PTK2: variants seen among roughly 807,000 people sequenced by gnomAD.
The protein encoded by PTK2 is focal adhesion kinase 1.
Under a neutral mutation model 150.1 loss-of-function variants are expected in PTK2, and 45 were observed. That is an observed-to-expected ratio of 0.30 (90% CI 0.24 to 0.38). PTK2 has a LOEUF of 0.38. PTK2 is among the 10% of genes least tolerant of loss of function. The pLI, the probability that PTK2 is intolerant of heterozygous loss-of-function variation, is 1.00. For missense variants in PTK2, 919 were observed against 1,307.3 expected (o/e 0.70, Z 4.58); for synonymous variants, 432 against 449.2 (o/e 0.96, Z 0.48).
intron 11 of PTK2, among the ~76,000 whole-genome samples, chr8:140,802,372 T>C (rs536644842): frequency 1.3e-5 from 2 of 152,184 alleles, no homozygotes; most frequent in East Asian, 1.9e-4. Context: ...AGAATAAGTA[T>C]GTAAAAAAAG....
chr8:140,897,581 G>T (rs1389558278), intron 2 of PTK2, among the ~76,000 whole-genome samples: 1 of 152,152 alleles, frequency 6.6e-6, no homozygotes, highest in Non-Finnish European at 1.5e-5. Context: ...TGGTCTTGAG[G>T]GTTCTGAGAT....
At chr8:140,857,014 C>T (rs2100133053) in intron 5 of PTK2, among the ~76,000 whole-genome samples, 1 of 152,132 alleles carries the variant, frequency 6.6e-6, no homozygotes, top group Admixed American at 6.6e-5. Flanking sequence ...CACTGCAGTA[C>T]ATCTGAAGTT....
At chr8:140,711,487 AGAAT>A (rs762945755) in intron 23 of PTK2, among the ~76,000 whole-genome samples, 45 of 152,254 alleles carry the variant, frequency 3.0e-4, no homozygotes, top group Non-Finnish European at 5.7e-4. Context: ...ACTTGAACAC[AGAAT>A]GAATTCTGCT....
chr8:140,694,316 C>T lies in PTK2; in HGVS notation c.2499+6575G>A, dbSNP rs918683593. On this transcript the variant is annotated intron_variant, in intron 26 of 31. Transcript: ENST00000522684. The stretch of plus-strand genomic sequence containing the variant: ...TCGGCCTCCCAAAATGCTGGGATTA[C>T]AGGTGTGAGCCACCGCACCCGGCCT... 2.6e-5 allele frequency among the ~76,000 whole-genome samples: 4 copies of T among 152,166 alleles called. No individual in the cohort carries two copies. In the East Asian group the frequency reaches 5.8e-4, roughly 22 times the overall value.
chr8:140,927,975 A>AAAAAAAAAAAAAAAATATATATAT, intron 1 of PTK2, among the ~76,000 whole-genome samples: 1 of 48,194 alleles, frequency 2.1e-5, no homozygotes, highest in East Asian at 8.1e-4. Flanking sequence ...AAAAAAAAAA[A>AAAAAAAAAAAAAAAATATATATAT]ATATATATAT....
chr8:140,687,441 C>T (rs2100020597), intron 26 of PTK2, among the ~76,000 whole-genome samples: 1 of 152,174 alleles, frequency 6.6e-6, no homozygotes, highest in South Asian at 2.1e-4. Flanking sequence ...TCAAGCAGAG[C>T]TGGTCGCTTC....
In PTK2 at chr8:140,837,918, C is replaced by T. The variant is rs141652580; in HGVS notation, c.594-7392G>A. Among the ~76,000 whole-genome samples the T allele has an allele frequency of 4.5e-3, 684 of 151,762 alleles. 4 individuals carry two copies. The highest frequency in any genetic ancestry group is 0.016 in the African/African-American group (646 of 41,350). On this transcript the variant is annotated intron_variant, in intron 7 of 31. Coordinates refer to ENST00000522684, the Ensembl canonical transcript of PTK2. ...TACTAAAAATACAAAAAAAATTAGC[C>T]GGGCACAGTGGTGGGCACCTGCAAT...
intron 4 of PTK2, among the ~76,000 whole-genome samples, chr8:140,865,869 C>T (rs546011609): frequency 2.6e-5 from 4 of 152,104 alleles, no homozygotes; most frequent in Non-Finnish European, 4.4e-5. Context: ...CTGCAACCTC[C>T]GCCTCCCCGG....
intron 27 of PTK2, among the ~76,000 whole-genome samples, chr8:140,677,759 C>T (rs1324678005): frequency 6.6e-6 from 1 of 152,170 alleles, no homozygotes; most frequent in Non-Finnish European, 1.5e-5. Context: ...AAGAATGATA[C>T]CATATCAACT....
intron 17 of PTK2, chr8:140,751,844 C>T (rs1024478057): frequency 4.4e-5 from 22 of 503,652 alleles, no homozygotes; most frequent in Non-Finnish European, 6.3e-5. Context: ...TCATAGAGCC[C>T]TATTCCTTCA....
intron 14 of PTK2, 123 bp downstream of exon 16, chr8:140,769,452 C>T (rs1037951163): frequency 6.6e-6 from 3 of 451,856 alleles, no homozygotes; most frequent in African/African-American, 6.4e-5. Context: ...ATTTTGCATA[C>T]CATTTTGTAC....
chr8:140,851,826 T>C (rs1345626164), intron 5 of PTK2, among the ~76,000 whole-genome samples: 1 of 150,182 alleles, frequency 6.7e-6, no homozygotes, highest in African/African-American at 2.5e-5. Flanking sequence ...GCCACTGCTT[T>C]CCAGCGTGGG....
intron 2 of PTK2, among the ~76,000 whole-genome samples, chr8:140,901,191 G>A (rs555498461): frequency 3.6e-4 from 55 of 152,148 alleles, no homozygotes; most frequent in Middle Eastern, 3.4e-3. Context: ...CTGGTGCCGA[G>A]AAAACTGGAT....
intron 27 of PTK2, among the ~76,000 whole-genome samples, chr8:140,682,786 G>A (rs567434079): frequency 6.6e-6 from 1 of 152,126 alleles, no homozygotes. Flanking sequence ...CAGAAATCAA[G>A]AAATTCTTTG....
intron 22 of PTK2, 26 bp downstream of exon 25, chr8:140,735,225 A>C (rs1463279200): frequency 1.2e-6 from 2 of 1,603,458 alleles, no homozygotes; most frequent in Non-Finnish European, 1.7e-6. Context: ...CCCCACCCCC[A>C]GGCCCTCTCT....
chr8:140,810,170 T>A (rs2100100591), intron 10 of PTK2, among the ~76,000 whole-genome samples: 1 of 152,212 alleles, frequency 6.6e-6, no homozygotes, highest in Non-Finnish European at 1.5e-5. Flanking sequence ...CCTCAACTAC[T>A]ACGGACACTT....
chr8:140,682,529 AAAAG>A (rs2100017653), intron 27 of PTK2, among the ~76,000 whole-genome samples: 3 of 125,154 alleles, frequency 2.4e-5, no homozygotes, highest in Admixed American at 1.6e-4. Context: ...GCTTATTACT[AAAAG>A]GCCTTTATTA....
At chr8:140,708,131 G>A (rs573042336) in intron 23 of PTK2, among the ~76,000 whole-genome samples, 24 of 152,324 alleles carry the variant, frequency 1.6e-4, no homozygotes, top group African/African-American at 4.8e-4. Flanking sequence ...ACCCATTACT[G>A]TCTAGCCAAA....
intron 1 of PTK2, among the ~76,000 whole-genome samples, chr8:140,981,934 G>C (rs761279289): frequency 1.3e-5 from 2 of 152,056 alleles, no homozygotes; most frequent in Non-Finnish European, 2.9e-5. Context: ...GAAGAAGGTA[G>C]AGATTATCTC....
Sources: gnomAD v4.1 joint callset for allele counts (sites outside exome capture counted in the v4.1 genomes callset) on GRCh38, gnomAD v4.1.1 for gene constraint, MANE v1.5 for transcripts, NCBI Gene and HGNC (gene_info 2026-07-23, HGNC 2026-07-21) for gene names.